The following STK32B variants were observed in gnomAD, a reference collection of about 807,000 sequenced individuals.
STK32B encodes the protein serine/threonine-protein kinase 32B.
STK32B carries 43 observed loss-of-function variants against 52.6 expected under a neutral mutation model. The observed-to-expected ratio is 0.82, with a 90% CI of 0.64 to 1.05. STK32B has a LOEUF of 1.05. STK32B is among the 50% of genes least tolerant of loss of function. The pLI is 0.00. For missense variants in STK32B, 621 were observed against 534.6 expected (o/e 1.16, Z -1.59); for synonymous variants, 238 against 204.3 (o/e 1.17, Z -1.41).
At chr4:5,212,788 G>GT (rs1722979965) in intron 3 of STK32B, among the ~76,000 whole-genome samples, 1 of 152,192 alleles carries the variant, frequency 6.6e-6, no homozygotes, top group South Asian at 2.1e-4. Context: ...GCTGCTGGCT[G>GT]TAAGTATAAA....
At chr4:5,342,905 A>G (rs570819677) in intron 4 of STK32B, among the ~76,000 whole-genome samples, 9 of 152,332 alleles carry the variant, frequency 5.9e-5, no homozygotes, top group South Asian at 4.1e-4. Context: ...TAATAAATCA[A>G]TATTGATATC....
intron 2 of STK32B, among the ~76,000 whole-genome samples, chr4:5,152,044 C>G (rs1246264077): frequency 3.3e-5 from 5 of 152,190 alleles, no homozygotes; most frequent in African/African-American, 4.8e-5. Context: ...CCAAGTCCAA[C>G]CATTCAGAAA....
chr4:5,217,024 G>C lies in STK32B; in HGVS notation c.260+48574G>C, dbSNP rs576768015. On this transcript the variant is annotated intron_variant, in intron 3 of 11. Transcript: ENST00000282908. ...GCAGCATTTTAGGCATCCATGTGTA[G>C]GTGTGTGCCAGTGACACAGGAAGTG... Among the ~76,000 whole-genome samples the C allele has an allele frequency of 2.6e-5, 4 of 152,248 alleles. No individual in the cohort carries two copies. In the East Asian group the frequency reaches 7.7e-4, roughly 29 times the overall value.
intron 3 of STK32B, among the ~76,000 whole-genome samples, chr4:5,178,359 A>C (rs1335662029): frequency 6.6e-6 from 1 of 152,214 alleles, no homozygotes; most frequent in Non-Finnish European, 1.5e-5. Context: ...CTGCACAAAA[A>C]ACAAGGCCCT....
chr4:5,412,960 A>C (rs1711823336), intron 5 of STK32B, among the ~76,000 whole-genome samples: 1 of 151,718 alleles, frequency 6.6e-6, no homozygotes, highest in Admixed American at 6.6e-5. Context: ...TCCCTTCCTG[A>C]GCTCCTTTCC....
At chr4:5,487,316 G>C (rs1304344428) in intron 11 of STK32B, among the ~76,000 whole-genome samples, 1 of 152,200 alleles carries the variant, frequency 6.6e-6, no homozygotes, top group Non-Finnish European at 1.5e-5. Flanking sequence ...GCAGTCATCT[G>C]GAAGTGTTGA....
chr4:5,027,284 T>C, the STK32B span, among the ~76,000 whole-genome samples: 1 of 152,312 alleles, frequency 6.6e-6, no homozygotes, highest in Admixed American at 6.5e-5. Flanking sequence ...GCAGAGATTA[T>C]GAAAAGCGAT....
chr4:5,456,833 G>T lies in STK32B; in HGVS notation c.693G>T (p.Thr231=). 1.9e-6 allele frequency: 3 copies of T among 1,595,210 alleles called. No individual in the cohort carries two copies. Among genetic ancestry groups the T allele is most frequent in the South Asian group, 1.1e-5 (1 of 87,260 alleles). ...GWRPYEIHSV[T]PIDEILNMFK... ...GGCCGTACGAAATCCACTCGGTCACGCCCATCGATGAAATCCTCAACATGT... is the reference window on the plus strand; with the variant it reads ...GGCCGTACGAAATCCACTCGGTCACTCCCATCGATGAAATCCTCAACATGT... The change falls in exon 8 of 12, where the codon ACG becomes ACT. Residue 231 remains threonine (T), a synonymous_variant. Transcript: ENST00000282908.
intron 9 of STK32B, 106 bp from the exon 10 acceptor site, chr4:5,466,597 G>A (rs1717452479): frequency 1.4e-6 from 2 of 1,400,588 alleles, no homozygotes; most frequent in South Asian, 2.9e-5. Context: ...ACAAGAGTAA[G>A]TTCATCATTA....
chr4:5,343,706 C>A (rs922316141), intron 4 of STK32B, among the ~76,000 whole-genome samples: 1 of 152,260 alleles, frequency 6.6e-6, no homozygotes, highest in South Asian at 2.1e-4. Context: ...AATGGCAACA[C>A]AAGCCAAAAT....
intron 11 of STK32B, 49 bp downstream of exon 11, chr4:5,468,119 C>T: frequency 6.3e-7 from 1 of 1,590,270 alleles, no homozygotes; most frequent in Non-Finnish European, 8.6e-7. Flanking sequence ...CCTAAGTGAC[C>T]CAAGGTCCTC....
intron 2 of STK32B, among the ~76,000 whole-genome samples, chr4:5,163,718 G>A (rs1205520924): frequency 6.6e-6 from 1 of 152,188 alleles, no homozygotes; most frequent in Non-Finnish European, 1.5e-5. Flanking sequence ...CCAGGCAAAA[G>A]GATATCTGCA....
At chr4:5,404,484 G>A (rs1468381315) in intron 5 of STK32B, among the ~76,000 whole-genome samples, 1 of 152,050 alleles carries the variant, frequency 6.6e-6, no homozygotes, top group Non-Finnish European at 1.5e-5. Context: ...TCAATCAACT[G>A]TTATACATTT....
Position 5,114,703 on chromosome 4 carries a change from G to A in STK32B, c.53-25202G>A, listed in dbSNP as rs567901720. ...AGATCTTTTCAAACAACTCGCTCCC[G>A]TCTTCCAATGAAAAGGAGACGTTCA... On this transcript the variant is annotated intron_variant, in intron 1 of 11. Transcript: ENST00000282908. 5.9e-5 allele frequency among the ~76,000 whole-genome samples: 9 copies of A among 152,238 alleles called. No homozygotes were observed. In the South Asian group the frequency reaches 8.3e-4, roughly 14 times the overall value.
At chr4:5,397,924 C>T (rs2109045315) in intron 4 of STK32B, among the ~76,000 whole-genome samples, 1 of 152,328 alleles carries the variant, frequency 6.6e-6, no homozygotes, top group Middle Eastern at 3.4e-3. Flanking sequence ...TGAGCAGTCA[C>T]TGCTGTTACC....
chr4:5,040,550 T>C, the STK32B span, among the ~76,000 whole-genome samples: 2 of 152,110 alleles, frequency 1.3e-5, no homozygotes, highest in Admixed American at 1.3e-4. Context: ...AGTGCCACCA[T>C]GCCCAGCTAA....
intron 1 of STK32B, among the ~76,000 whole-genome samples, chr4:5,090,633 G>T (rs1713026974): frequency 6.6e-6 from 1 of 152,078 alleles, no homozygotes; most frequent in South Asian, 2.1e-4. Flanking sequence ...AAAGTGCTGG[G>T]ATTACAGGCA....
intron 3 of STK32B, among the ~76,000 whole-genome samples, chr4:5,236,391 A>T (rs138513292): frequency 6.6e-6 from 1 of 152,250 alleles, no homozygotes; most frequent in South Asian, 2.1e-4. Context: ...TGCACTTATG[A>T]TAAGTGTACG....
chr4:5,407,155 T>G (rs1305136718), intron 5 of STK32B, among the ~76,000 whole-genome samples: 1 of 152,100 alleles, frequency 6.6e-6, no homozygotes, highest in Non-Finnish European at 1.5e-5. Context: ...AAGTTCAAAA[T>G]TCCACATATC....
Sources: allele counts gnomAD v4.1 joint callset (sites outside exome capture counted in the v4.1 genomes callset), GRCh38; gene constraint gnomAD v4.1.1; transcripts MANE v1.5; gene names NCBI Gene and HGNC (gene_info 2026-07-23, HGNC 2026-07-21).